Variants in SYK observed in about 807,000 individuals in gnomAD.
SYK encodes tyrosine-protein kinase SYK.
A neutral mutation model predicts 77.8 loss-of-function variants in SYK; 16 were observed. The observed-to-expected ratio is 0.21, with a 90% CI of 0.14 to 0.31. The LOEUF (loss-of-function observed/expected upper bound fraction) is 0.31. Among genes scored for constraint, SYK ranks in the 10% least tolerant of loss-of-function variants. The pLI is 1.00. For synonymous variants in SYK, 312 were observed against 308.7 expected (o/e 1.01, Z -0.11); for missense variants, 529 against 814.4 (o/e 0.65, Z 4.26).
chr9:90,851,767 A>T (rs1826833160), intron 3 of SYK, among the ~76,000 whole-genome samples: 1 of 152,238 alleles, frequency 6.6e-6, no homozygotes, highest in African/African-American at 2.4e-5. Flanking sequence ...AAAAGGAAAC[A>T]AAGCTTACTT....
chr9:90,894,994 C>T (rs896343026), intron 13 of SYK, among the ~76,000 whole-genome samples: 7 of 152,212 alleles, frequency 4.6e-5, no homozygotes, highest in Non-Finnish European at 8.8e-5. Context: ...GAACCCATAT[C>T]AACAGCCCAT....
At chr9:90,824,794 T>C (rs1263679899) in intron 1 of SYK, among the ~76,000 whole-genome samples, 1 of 151,334 alleles carries the variant, frequency 6.6e-6, no homozygotes, top group African/African-American at 2.4e-5. Context: ...GACTGAACAC[T>C]GTCCCTCTGA....
chr9:90,820,704 C>A (rs1253382639), intron 1 of SYK, among the ~76,000 whole-genome samples: 2 of 152,320 alleles, frequency 1.3e-5, no homozygotes, highest in East Asian at 3.9e-4. Context: ...AGGTCTCTGA[C>A]ATGGCCTGGA....
chr9:90,820,228 A>G (rs1387935102), intron 1 of SYK, among the ~76,000 whole-genome samples: 2 of 152,114 alleles, frequency 1.3e-5, no homozygotes, highest in Non-Finnish European at 2.9e-5. Flanking sequence ...CTGTCAGTGG[A>G]TCTACCATTC....
intron 3 of SYK, among the ~76,000 whole-genome samples, chr9:90,847,885 C>T (rs1359455413): frequency 1.3e-5 from 2 of 152,194 alleles, no homozygotes; most frequent in African/African-American, 4.8e-5. Context: ...GGAAAGTCTC[C>T]TTGTCAGGGT....
chr9:90,875,123 G>A (rs905498672), intron 9 of SYK, among the ~76,000 whole-genome samples: 2 of 152,010 alleles, frequency 1.3e-5, no homozygotes, highest in Non-Finnish European at 2.9e-5. Context: ...CATCAAATTG[G>A]CATGGTGGCT....
chr9:90,884,016 A>G (rs1480449111), intron 11 of SYK, among the ~76,000 whole-genome samples: 3 of 152,082 alleles, frequency 2.0e-5, no homozygotes, highest in Non-Finnish European at 4.4e-5. Flanking sequence ...GCCTCCACTA[A>G]TAACCATACC....
chr9:90,839,955 G>A (rs542008290), intron 1 of SYK, among the ~76,000 whole-genome samples: 10 of 152,194 alleles, frequency 6.6e-5, no homozygotes, highest in Non-Finnish European at 1.3e-4. Flanking sequence ...GAATAGGCAG[G>A]AAGGGCTGAT....
chr9:90,838,192 A>G (rs1346850105), intron 1 of SYK, among the ~76,000 whole-genome samples: 1 of 152,188 alleles, frequency 6.6e-6, no homozygotes, highest in African/African-American at 2.4e-5. Flanking sequence ...GAGAGAAATA[A>G]ATACCCATTA....
chr9:90,811,335 C>A (rs1490140725), intron 1 of SYK, among the ~76,000 whole-genome samples: 14 of 152,046 alleles, frequency 9.2e-5, no homozygotes, highest in Admixed American at 8.5e-4. Flanking sequence ...CTGACAGGGC[C>A]GTTTGGTAAT....
chr9:90,879,576 TAAAC>T (rs956573370), intron 11 of SYK, among the ~76,000 whole-genome samples: 2 of 152,226 alleles, frequency 1.3e-5, no homozygotes, highest in Non-Finnish European at 2.9e-5. Context: ...ATTTACCAAA[TAAAC>T]TCGTCATCTG....
intron 1 of SYK, among the ~76,000 whole-genome samples, chr9:90,833,411 A>G (rs558511595): frequency 6.6e-6 from 1 of 152,322 alleles, no homozygotes; most frequent in Admixed American, 6.5e-5. Flanking sequence ...CTAAAACTCT[A>G]AGGTGGGACA....
At chr9:90,844,872 C>T (rs1461833870) in intron 2 of SYK, among the ~76,000 whole-genome samples, 4 of 152,204 alleles carry the variant, frequency 2.6e-5, no homozygotes, top group Non-Finnish European at 4.4e-5. Context: ...TTGTATGCAA[C>T]GTCTGCAGGA....
At chr9:90,805,823 G>A (rs74977745) in intron 1 of SYK, among the ~76,000 whole-genome samples, 3,500 of 152,034 alleles carry the variant, frequency 0.023, 129 homozygotes, top group African/African-American at 0.078. Flanking sequence ...CCATCCTTTG[G>A]TACTGCTTTG....
intron 1 of SYK, among the ~76,000 whole-genome samples, chr9:90,813,771 C>T (rs1182692040): frequency 6.6e-6 from 1 of 152,168 alleles, no homozygotes; most frequent in Non-Finnish European, 1.5e-5. Context: ...AAGAGGGTCA[C>T]AGAAACAGAG....
rs376914572 is a variant in SYK at position 90,873,480 on chromosome 9, T to C, written c.916-724T>C. ...CTTTCAAAAGGGAAAGTCCTTAGGA[T>C]AATGAGTAGATTTCCCCCCCCAGTT... is the stretch of plus-strand genomic sequence containing the variant. On this transcript the variant is annotated intron_variant, in intron 7 of 13. Coordinates refer to ENST00000375754, the MANE Select transcript of SYK (RefSeq NM_003177.7). Among the ~76,000 whole-genome samples the C allele has an allele frequency of 5.8e-4, 89 of 152,274 alleles. 1 individual carries two copies. The highest frequency in any genetic ancestry group is 2.1e-3 in the African/African-American group (87 of 41,532).
At chr9:90,849,455 C>T (rs10993711) in intron 3 of SYK, among the ~76,000 whole-genome samples, 36,351 of 152,056 alleles carry the variant, frequency 0.24, 5,049 homozygotes, top group South Asian at 0.35. Context: ...TCTCCCAGCT[C>T]GTTTTTGCTT....
intron 12 of SYK, 42 bp downstream of exon 12, chr9:90,887,931 G>A: frequency 6.6e-7 from 1 of 1,524,928 alleles, no homozygotes; most frequent in Non-Finnish European, 8.8e-7. Flanking sequence ...GGGGCCATTA[G>A]AACAGATAAG....
intron 3 of SYK, among the ~76,000 whole-genome samples, chr9:90,846,699 T>TAAA (rs3056977): frequency 0.24 from 30,409 of 128,410 alleles, 3,999 homozygotes; most frequent in South Asian, 0.33. Flanking sequence ...ACAATACTCT[T>TAAA]AAAAAAAAAA....
Sources: gnomAD v4.1 joint callset for allele counts (sites outside exome capture counted in the v4.1 genomes callset) on GRCh38, gnomAD v4.1.1 for gene constraint, MANE v1.5 for transcripts, NCBI Gene and HGNC (gene_info 2026-07-23, HGNC 2026-07-21) for gene names.